Variants in ZNF608 observed in about 807,000 individuals in gnomAD.
ZNF608 encodes zinc finger protein 608, also known as renal carcinoma antigen NY-REN-36.
ZNF608 carries 12 observed loss-of-function variants against 109.0 expected under a neutral mutation model. The observed-to-expected ratio is 0.11, with a 90% CI of 0.07 to 0.18. ZNF608 has a LOEUF of 0.18. Among genes scored for constraint, ZNF608 ranks in the 10% least tolerant of loss-of-function variants. ZNF608 has a pLI of 1.00. For synonymous variants in ZNF608, 732 were observed against 717.4 expected, an observed-to-expected ratio of 1.02 and a Z score of -0.33; for missense variants, 1,707 against 1,879.3, an observed-to-expected ratio of 0.91 and a Z score of 1.70.
chr5:124,696,422 A>G lies in ZNF608; in HGVS notation c.1162+4592T>C, dbSNP rs553725310. On this transcript the variant is annotated intron_variant, in intron 3 of 9. Coordinates refer to ENST00000513986, the MANE Select transcript of ZNF608 (RefSeq NM_020747.3). ...TTTTCATTGCCCGCCAAAAACTCTG[A>G]TTCTCTCAGCACATTCTATATTTGC... Among the ~76,000 whole-genome samples, 3 of 152,302 alleles carry G rather than the reference A, an allele frequency of 2.0e-5. No individual in the cohort carries two copies. The South Asian group carries it at 6.2e-4, about 32-fold the overall frequency.
Position 124,720,478 on chromosome 5 carries a change from A to G in ZNF608, c.907-19209T>C, listed in dbSNP as rs141858911. On this transcript the variant is annotated intron_variant, in intron 2 of 9. Transcript: ENST00000513986. ...CAAAAACCACAACCATGCTATAGCT[A>G]TCTAACACAGCAACACCGGAATTCA... 1.3e-3 allele frequency among the ~76,000 whole-genome samples: 201 copies of G among 152,356 alleles called. 2 individuals are homozygous for G. The highest frequency in any genetic ancestry group is 4.6e-3 in the African/African-American group (193 of 41,580).
In ZNF608 at chr5:124,647,774, C is replaced by T. The variant is rs756124581; in HGVS notation, c.2610G>A (p.Glu870=). The T allele has an allele frequency of 7.4e-6, 12 of 1,614,032 alleles. No individual in the cohort carries two copies. Among genetic ancestry groups the T allele is most frequent in the Non-Finnish European group, 1.0e-5 (12 of 1,179,990 alleles). Residue 870 remains glutamate, a synonymous_variant, in exon 5 of 10, where the codon GAG becomes GAA. Transcript: ENST00000513986. ...TACTGGCCATGCGGCTCTCCTGAGACTCCGACAGTCCATTTGCCAGCCCTT... is the reference window on the plus strand; with the variant it reads ...TACTGGCCATGCGGCTCTCCTGAGATTCCGACAGTCCATTTGCCAGCCCTT... ...KNEGLANGLS[E]SQESRMASIK...
At chr5:124,689,118 A>G (rs1752509205) in intron 3 of ZNF608, among the ~76,000 whole-genome samples, 1 of 152,200 alleles carries the variant, frequency 6.6e-6, no homozygotes, top group Admixed American at 6.5e-5. Flanking sequence ...AAAGCTAAAG[A>G]CCAGGCATAC....
chr5:124,716,878 T>C (rs903232058), intron 2 of ZNF608, among the ~76,000 whole-genome samples: 1 of 151,208 alleles, frequency 6.6e-6, no homozygotes, highest in African/African-American at 2.4e-5. Flanking sequence ...AGGTCGGGAG[T>C]TGGAGACCAG....
Position 124,696,109 on chromosome 5 carries a change from G to C in ZNF608, c.1162+4905C>G, listed in dbSNP as rs193127222. On this transcript the variant is annotated intron_variant, in intron 3 of 9. Coordinates refer to ENST00000513986, the MANE Select transcript of ZNF608 (RefSeq NM_020747.3). ...TGAGGCAGGAGAATTGCTTGAACCC[G>C]GGAGGTGGAGGTTGCAGTGGGCAAA... Among the ~76,000 whole-genome samples the C allele has an allele frequency of 8.8e-3, 1,340 of 151,950 alleles. 32 individuals are homozygous for C. The highest frequency in any genetic ancestry group is 0.03 in the African/African-American group (1,249 of 41,446).
chr5:124,747,168 CTTT>C (rs375960252), upstream of ZNF608, among the ~76,000 whole-genome samples: 5 of 135,774 alleles, frequency 3.7e-5, no homozygotes, highest in Admixed American at 1.5e-4. Flanking sequence ...TTTTTGTTTT[CTTT>C]TTTTTTTTTT....
chr5:124,695,200 C>T (rs919486902), intron 3 of ZNF608, among the ~76,000 whole-genome samples: 3 of 152,144 alleles, frequency 2.0e-5, no homozygotes, highest in Non-Finnish European at 4.4e-5. Flanking sequence ...ATACAGACAT[C>T]TTATTCCTCT....
intron 3 of ZNF608, chr5:124,666,357 A>G (rs1751478851): frequency 6.6e-6 from 1 of 152,226 alleles, no homozygotes; most frequent in South Asian, 2.1e-4. Flanking sequence ...ATGCGCCACT[A>G]CTGGATGCAA....
At chr5:124,669,468 G>A (rs1382794701) in intron 3 of ZNF608, among the ~76,000 whole-genome samples, 2 of 152,094 alleles carry the variant, frequency 1.3e-5, no homozygotes, top group Non-Finnish European at 2.9e-5. Context: ...CGGGAACAGT[G>A]GACAGCATAC....
At chr5:124,696,359 A>T (rs531762589) in intron 3 of ZNF608, among the ~76,000 whole-genome samples, 50 of 152,312 alleles carry the variant, frequency 3.3e-4, no homozygotes, top group Non-Finnish European at 6.3e-4. Flanking sequence ...GAGTCTTCTC[A>T]TTAAAATGGT....
At chr5:124,743,802 G>A (rs919720489) in intron 2 of ZNF608, among the ~76,000 whole-genome samples, 2 of 152,094 alleles carry the variant, frequency 1.3e-5, no homozygotes, top group Non-Finnish European at 2.9e-5. Context: ...AGGGCAAAAG[G>A]TACTTAGAAC....
chr5:124,643,409 A>AGCTG (rs1230844280), intron 7 of ZNF608, 102 bp downstream of exon 7: 1 of 1,123,256 alleles, frequency 8.9e-7, no homozygotes, highest in Non-Finnish European at 1.3e-6. Context: ...CTGAAATCAC[A>AGCTG]GCTGGGTTCC....
chr5:124,644,441 C>T lies in ZNF608; in HGVS notation c.3926G>A (p.Ser1309Asn). Reference protein sequence around the residue: ...KHPDSQSMEESKLKNDDRKTP... With the variant: ...KHPDSQSMEENKLKNDDRKTP... The stretch of plus-strand genomic sequence containing the variant: ...CTTTCGATCATCATTTTTCAGCTTG[C>T]TCTCCTCCATTGATTGAGAATCAGG... Residue 1309 changes from serine (S) to asparagine (N), a missense_variant, in exon 6 of 10, where the codon AGC (serine) becomes AAC (asparagine). This residue lies in a region of ZNF608 where 1,073 missense variants were observed against 1,133.5 expected (regional missense o/e 0.95). Coordinates refer to ENST00000513986, the MANE Select transcript of ZNF608 (RefSeq NM_020747.3). 1.9e-6 allele frequency: 3 copies of T among 1,614,152 alleles called. No homozygotes were observed. The highest frequency in any genetic ancestry group is 1.6e-4 in the Middle Eastern group (1 of 6,062).
At chr5:124,735,470 C>T (rs1160525889) in intron 2 of ZNF608, among the ~76,000 whole-genome samples, 5 of 152,068 alleles carry the variant, frequency 3.3e-5, no homozygotes, top group African/African-American at 1.2e-4. Flanking sequence ...GCTCCCATAG[C>T]GAAAACAATA....
At chr5:124,668,169 A>G (rs1751558507) in intron 3 of ZNF608, among the ~76,000 whole-genome samples, 1 of 148,538 alleles carries the variant, frequency 6.7e-6, no homozygotes, top group Non-Finnish European at 1.5e-5. Context: ...CCTGAGCAAC[A>G]TATGGAGACC....
At chr5:124,728,717 T>C (rs1465171097) in intron 2 of ZNF608, among the ~76,000 whole-genome samples, 1 of 152,202 alleles carries the variant, frequency 6.6e-6, no homozygotes, top group Non-Finnish European at 1.5e-5. Flanking sequence ...CTGAATATTA[T>C]TAAATATGTT....
At chr5:124,693,183 G>A (rs940571364) in intron 3 of ZNF608, among the ~76,000 whole-genome samples, 2 of 152,186 alleles carry the variant, frequency 1.3e-5, no homozygotes, top group African/African-American at 2.4e-5. Context: ...AAGCTGCTGT[G>A]AGAACTTATT....
chr5:124,748,147 T>C (rs1228543703), upstream of ZNF608, among the ~76,000 whole-genome samples: 1 of 152,186 alleles, frequency 6.6e-6, no homozygotes, highest in Non-Finnish European at 1.5e-5. Flanking sequence ...AATCGGCTTG[T>C]TCTGCCCTTG....
chr5:124,677,630 G>T lies in ZNF608; in HGVS notation c.1162+23384C>A, dbSNP rs116022579. On this transcript the variant is annotated intron_variant, in intron 3 of 9. Coordinates refer to ENST00000513986, the MANE Select transcript of ZNF608 (RefSeq NM_020747.3). ...CAGGCAGCCAACCCAACTATTTCAG[G>T]TCTGCTCTCCCATCTGCTTGGCCTG... 2.0e-3 allele frequency among the ~76,000 whole-genome samples: 301 copies of T among 152,054 alleles called. 3 individuals are homozygous for T. The highest frequency in any genetic ancestry group is 6.8e-3 in the Middle Eastern group (2 of 294).
Sources: gnomAD v4.1 joint callset for allele counts (sites outside exome capture counted in the v4.1 genomes callset) on GRCh38, gnomAD v4.1.1 for gene constraint, gnomAD v4.1.1 regional missense constraint, MANE v1.5 for transcripts, NCBI Gene and HGNC (gene_info 2026-07-23, HGNC 2026-07-21) for gene names.